ADH1C: variants seen among roughly 807,000 people sequenced by gnomAD.
ADH1C encodes alcohol dehydrogenase 1C (class I), gamma polypeptide, also known as alcohol dehydrogenase 1C.
In ADH1C, 26 loss-of-function variants were observed where a neutral mutation model predicts 35.0. That is an observed-to-expected ratio of 0.74 (90% CI 0.54 to 1.03). The LOEUF is 1.03. Ranked by LOEUF, ADH1C falls within the 50% of genes least tolerant of loss-of-function variation. The pLI is 0.00. For missense variants in ADH1C, 413 were observed against 465.4 expected (o/e 0.89, Z 1.04); for synonymous variants, 170 against 169.3 (o/e 1.00, Z -0.03).
chr4:99,340,444 T>C, intron 7 of ADH1C, 131 bp downstream of exon 7: 2 of 1,112,582 alleles, frequency 1.8e-6, no homozygotes, highest in Non-Finnish European at 2.6e-6. Context: ...TTCTGCATTA[T>C]TGGAGACTAT....
chr4:99,349,285 A>G (rs574281878), intron 1 of ADH1C, among the ~76,000 whole-genome samples: 589 of 150,634 alleles, frequency 3.9e-3, no homozygotes, highest in African/African-American at 0.014. Context: ...TCTTTAATCC[A>G]TCTTGAATTA....
intron 8 of ADH1C, 131 bp downstream of exon 8, chr4:99,339,446 C>T: frequency 1.2e-6 from 1 of 800,818 alleles, no homozygotes; most frequent in Non-Finnish European, 1.9e-6. Context: ...ATTGAACTGG[C>T]AATGGAAAAC....
rs377645569 is a variant in ADH1C at position 99,343,024 on chromosome 4, C to A, written c.599G>T (p.Gly200Val). The stretch of plus-strand genomic sequence containing the variant: ...AACAGATAGGCCGACCCCTCCCAGG[C>A]CAAACACAGCACAGGTAGACCCTGG... ...VTPGSTCAVF[G>V]LGGVGLSVVM... The change falls in exon 6 of 9, where the codon GGC becomes GTC. Residue 200 changes from glycine to valine, a missense_variant. Physicochemically the swap from Gly to Val is moderately radical, Grantham distance 109 (BLOSUM62 -3). Coordinates refer to ENST00000515683, the MANE Select transcript of ADH1C (RefSeq NM_000669.5). The A allele has an allele frequency of 2.5e-6, 4 of 1,614,062 alleles. No homozygotes were observed. The highest frequency in any genetic ancestry group is 3.4e-6 in the Non-Finnish European group (4 of 1,180,030).
chr4:99,340,684 C>T lies in ADH1C; in HGVS notation c.855G>A (p.Glu285=), dbSNP rs373074910. The change falls in exon 7 of 9, where the codon GAG becomes GAA. Residue 285 remains glutamate (E), a synonymous_variant. Transcript: ENST00000515683. ...TMMASLLCCH[E]ACGTSVIVGV... ...CTACAATGACACTTGTGCCACATGC[C>T]TCATGACAACATAACAGGGAAGCCA... The T allele has an allele frequency of 6.2e-7, 1 of 1,612,860 alleles. No homozygotes were observed. Among genetic ancestry groups the T allele is most frequent in the South Asian group, 1.1e-5 (1 of 91,014 alleles).
chr4:99,351,536 T>C lies in ADH1C; in HGVS notation c.18+1122A>G, dbSNP rs569855253. Among the ~76,000 whole-genome samples the C allele has an allele frequency of 5.4e-4, 83 of 152,352 alleles. 2 individuals are homozygous for C. Among genetic ancestry groups the C allele is most frequent in the Non-Finnish European group, 1.1e-3 (76 of 68,034 alleles). ...TTTCTTTTAAGTCGAGTTTAGTAAA[T>C]GGTAAATTTAAATTTTCTTTTTTCT... On this transcript the variant is annotated intron_variant, in intron 1 of 8. Transcript: ENST00000515683.
chr4:99,352,298 G>A (rs140391659), intron 1 of ADH1C, among the ~76,000 whole-genome samples: 135 of 152,194 alleles, frequency 8.9e-4, no homozygotes, highest in African/African-American at 3.0e-3. Flanking sequence ...TCTGATTAAA[G>A]ACTTTTCTAA....
chr4:99,351,200 T>C (rs185598140), intron 1 of ADH1C: 1 of 149,214 alleles, frequency 6.7e-6, no homozygotes, highest in East Asian at 1.9e-4. Context: ...TGGTAGTAAA[T>C]ATCAAAAAGT....
chr4:99,348,219 G>A (rs1734587514), intron 1 of ADH1C, among the ~76,000 whole-genome samples: 1 of 150,750 alleles, frequency 6.6e-6, no homozygotes, highest in Non-Finnish European at 1.5e-5. Flanking sequence ...CTGGTGCGCT[G>A]CACCCACTAA....
intron 6 of ADH1C, among the ~76,000 whole-genome samples, chr4:99,342,002 C>A (rs1417096032): frequency 1.3e-5 from 1 of 74,222 alleles, no homozygotes; most frequent in Non-Finnish European, 2.6e-5. Context: ...CAGAGTGAGA[C>A]CCTGTCTCAA....
At chr4:99,347,231 T>C in intron 2 of ADH1C, 87 bp from the exon 3 acceptor site, 1 of 1,479,404 alleles carries the variant, frequency 6.8e-7, no homozygotes, top group Non-Finnish European at 9.1e-7. Flanking sequence ...AAAATTGTTA[T>C]TCAAAAATAT....
rs1313250217 is a variant in ADH1C at position 99,338,430 on chromosome 4, T to TATATATATATAC, written c.1103+1146_1103+1147insGTATATATATAT. ...ATATATATATATATATATATATATATATATATATATATATACACACTCTTG... is the reference window on the plus strand; with the variant it reads ...ATATATATATATATATATATATATATATATATATATACATATATATATATATACACACTCTTG... On this transcript the variant is annotated intron_variant, in intron 8 of 8. Coordinates refer to ENST00000515683, the MANE Select transcript of ADH1C (RefSeq NM_000669.5). Among the ~76,000 whole-genome samples the TATATATATATAC allele has an allele frequency of 5.2e-4, 42 of 80,680 alleles. 2 individuals carry two copies. The highest frequency in any genetic ancestry group is 6.9e-4 in the Admixed American group (5 of 7,198). 52.9% of individuals were successfully genotyped at this position (80,680 alleles called of 152,430 possible). A position where few individuals can be genotyped will look rare whatever the true frequency, so the allele number is the denominator to read the frequency against.
At position 99,336,593 on chromosome 4, in the gene ADH1C, A is replaced by G. The variant is rs1734281967; in HGVS notation, c.*159T>C. ...GATTTTAAACATTTGCTTGACAAAT[A>G]ATTTCCCATCAATTTCCATTTCTTT... On this transcript the variant is annotated 3_prime_UTR_variant, in exon 9 of 9. Coordinates refer to ENST00000515683, the MANE Select transcript of ADH1C (RefSeq NM_000669.5). The G allele has an allele frequency of 1.1e-6, 1 of 900,554 alleles. No individual in the cohort carries two copies. Among genetic ancestry groups the G allele is most frequent in the Non-Finnish European group, 1.7e-6 (1 of 582,164 alleles). The allele number at this position is 900,554 out of a possible 1,614,324, so 55.8% of individuals were successfully genotyped here.
At chr4:99,350,095 C>A (rs1360630036) in intron 1 of ADH1C, among the ~76,000 whole-genome samples, 1 of 152,010 alleles carries the variant, frequency 6.6e-6, no homozygotes, top group Non-Finnish European at 1.5e-5. Context: ...ATTCATTTGT[C>A]AAATCCTTCA....
chr4:99,339,535 T>G, intron 8 of ADH1C, 42 bp downstream of exon 8: 19 of 1,033,090 alleles, frequency 1.8e-5, no homozygotes, highest in Admixed American at 2.7e-5. Context: ...CCGCCGCTAC[T>G]GTAGAATACA....
chr4:99,342,100 T>C (rs1445606296), intron 6 of ADH1C, among the ~76,000 whole-genome samples: 1 of 152,194 alleles, frequency 6.6e-6, no homozygotes, highest in Non-Finnish European at 1.5e-5. Context: ...TGATGAGTTG[T>C]GTTGCACAAA....
At chr4:99,349,743 T>C (rs939152403) in intron 1 of ADH1C, among the ~76,000 whole-genome samples, 1 of 152,190 alleles carries the variant, frequency 6.6e-6, no homozygotes, top group African/African-American at 2.4e-5. Context: ...CAGAGACTCC[T>C]TCCAGCTTAG....
chr4:99,342,891 A>G lies in ADH1C; in HGVS notation c.732T>C (p.Pro244=), dbSNP rs749476470. The change falls in exon 6 of 9, where the codon CCT becomes CCC. Residue 244 remains proline, a synonymous_variant. Coordinates refer to ENST00000515683, the MANE Select transcript of ADH1C (RefSeq NM_000669.5). The part of the protein sequence containing the change: ...KELGATECIN[P]QDYKKPIQEV... ...CCTGAATGGGTTTCTTGTAGTCTTGAGGGTTGATGCATTCAGTGGCACCCA... is the reference window on the plus strand; with the variant it reads ...CCTGAATGGGTTTCTTGTAGTCTTGGGGGTTGATGCATTCAGTGGCACCCA... The G allele has an allele frequency of 1.2e-6, 2 of 1,613,956 alleles. No homozygotes were observed. The highest frequency in any genetic ancestry group is 1.3e-5 in the African/African-American group (1 of 74,980).
Position 99,342,955 on chromosome 4 carries a change from A to T in ADH1C, c.668T>A (p.Val223Glu), listed in dbSNP as rs1734450152. 6.2e-7 allele frequency: 1 copy of T among 1,614,242 alleles called. No individual in the cohort carries two copies. The change falls in exon 6 of 9, where the codon GTG becomes GAG. Residue 223 changes from valine to glutamate, a missense_variant. Coordinates refer to ENST00000515683, the MANE Select transcript of ADH1C (RefSeq NM_000669.5). ...TGCAAATTTGTCCTTGTTGATGTCC[A>T]CAGCAATGATTCTGGCTGCTCCAGC... ...KAAGAARIIA[V>E]DINKDKFAKA...
chr4:99,342,996 A>G lies in ADH1C; in HGVS notation c.627T>C (p.Val209=), dbSNP rs779183871. ...FGLGGVGLSV[V]MGCKAAGAAR... ...CTGCTCCAGCTGCTTTACAGCCCAT[A>G]ACAACAGATAGGCCGACCCCTCCCA... Residue 209 remains valine, a synonymous_variant, in exon 6 of 9, where the codon GTT becomes GTC. Coordinates refer to ENST00000515683, the MANE Select transcript of ADH1C (RefSeq NM_000669.5). The G allele has an allele frequency of 1.2e-6, 2 of 1,614,220 alleles. No individual in the cohort carries two copies. The highest frequency in any genetic ancestry group is 2.2e-5 in the South Asian group (2 of 91,078).
Sources: gnomAD v4.1 joint callset for allele counts (sites outside exome capture counted in the v4.1 genomes callset) on GRCh38, gnomAD v4.1.1 for gene constraint, MANE v1.5 for transcripts, NCBI Gene and HGNC (gene_info 2026-07-23, HGNC 2026-07-21) for gene names.